Variants in RAB27A observed in about 807,000 individuals in gnomAD.
RAB27A encodes RAB27A, member RAS oncogene family, also known as ras-related protein Rab-27A.
In RAB27A, 17 loss-of-function variants were observed where a neutral mutation model predicts 20.8. The ratio of observed to expected loss-of-function variants is 0.82; its 90% CI spans 0.56 to 1.23. The LOEUF (loss-of-function observed/expected upper bound fraction) is 1.23, where lower values mean the gene tolerates loss of function less well. RAB27A is among the 50% of genes most tolerant of loss of function. The pLI is 0.00. For missense variants in RAB27A, 277 were observed against 266.7 expected (o/e 1.04, Z -0.27); for synonymous variants, 85 against 92.8 (o/e 0.92, Z 0.48).
At chr15:55,261,805 C>T (rs979715105) in intron 2 of RAB27A, among the ~76,000 whole-genome samples, 16 of 150,746 alleles carry the variant, frequency 1.1e-4, no homozygotes, top group South Asian at 2.1e-4. Flanking sequence ...TTTGGAAGGC[C>T]GAGGTGGGTG....
intron 1 of RAB27A, chr15:55,317,552 A>T (rs1197856872): frequency 2.7e-6 from 1 of 371,120 alleles, no homozygotes; most frequent in Non-Finnish European, 4.8e-6. Context: ...TGACCACCTG[A>T]TCCACCCGCC....
intron 2 of RAB27A, among the ~76,000 whole-genome samples, chr15:55,306,369 G>A (rs549454666): frequency 3.3e-5 from 5 of 152,216 alleles, no homozygotes; most frequent in East Asian, 3.8e-4. Flanking sequence ...AACCCAGTGA[G>A]GGTGGTATTA....
chr15:55,224,166 A>T (rs868399289), intron 5 of RAB27A, among the ~76,000 whole-genome samples, 154 bp from the exon 6 acceptor site: 42 of 151,758 alleles, frequency 2.8e-4, no homozygotes, highest in Non-Finnish European at 4.6e-4. Context: ...TCTTATCTGT[A>T]AAGCTGAATA....
chr15:55,207,128 T>C (rs1894690748), intron 6 of RAB27A, among the ~76,000 whole-genome samples: 1 of 152,068 alleles, frequency 6.6e-6, no homozygotes, highest in African/African-American at 2.4e-5. Flanking sequence ...GGCAAAAATA[T>C]AGAAATCTCC....
intron 2 of RAB27A, among the ~76,000 whole-genome samples, chr15:55,306,029 T>C (rs114507092): frequency 0.029 from 4,352 of 152,196 alleles, 216 homozygotes; most frequent in African/African-American, 0.099. Flanking sequence ...AGGAAGCACA[T>C]AGATTCTGAA....
At chr15:55,212,554 C>G (rs865863651) in intron 6 of RAB27A, among the ~76,000 whole-genome samples, 2 of 142,540 alleles carry the variant, frequency 1.4e-5, no homozygotes, top group African/African-American at 2.7e-5. Context: ...TTTTTTGAGA[C>G]AGTCTCACTC....
At chr15:55,261,777 T>G (rs570342552) in intron 2 of RAB27A, among the ~76,000 whole-genome samples, 17 of 142,798 alleles carry the variant, frequency 1.2e-4, no homozygotes, top group Non-Finnish European at 2.0e-4. Flanking sequence ...CAGTGGCTCA[T>G]GCCTGTAATC....
At chr15:55,306,665 T>C (rs969484647) in intron 2 of RAB27A, among the ~76,000 whole-genome samples, 1 of 152,212 alleles carries the variant, frequency 6.6e-6, no homozygotes, top group Middle Eastern at 3.2e-3. Context: ...GGCAGAGTTA[T>C]AGCAGTTGTG....
chr15:55,251,697 T>C (rs9920114), intron 2 of RAB27A, among the ~76,000 whole-genome samples: 96,712 of 152,036 alleles, frequency 0.64, 31,531 homozygotes, highest in African/African-American at 0.73. Context: ...GAAGCCACTT[T>C]ATACTAAATT....
chr15:55,302,442 C>T (rs1460669813), intron 2 of RAB27A, among the ~76,000 whole-genome samples: 5 of 152,216 alleles, frequency 3.3e-5, no homozygotes, highest in Non-Finnish European at 4.4e-5. Context: ...ACCTCCCAGC[C>T]GCCTGCCTTG....
At chr15:55,284,535 G>A (rs1898097875) in intron 1 of RAB27A, among the ~76,000 whole-genome samples, 1 of 152,202 alleles carries the variant, frequency 6.6e-6, no homozygotes, top group African/African-American at 2.4e-5. Context: ...AGAACCACAT[G>A]GGGCTTTCAA....
chr15:55,211,257 A>T (rs949473509), intron 6 of RAB27A, among the ~76,000 whole-genome samples: 1 of 152,140 alleles, frequency 6.6e-6, no homozygotes, highest in African/African-American at 2.4e-5. Flanking sequence ...GTGGTTCCAT[A>T]TAAATTTTAG....
intron 2 of RAB27A, among the ~76,000 whole-genome samples, chr15:55,311,587 A>G (rs2055020902): frequency 1.3e-5 from 2 of 152,120 alleles, no homozygotes; most frequent in African/African-American, 4.8e-5. Context: ...GTTGTCTCTT[A>G]ATGAAAAGAA....
At chr15:55,312,964 T>C (rs566739267) in intron 2 of RAB27A, among the ~76,000 whole-genome samples, 2 of 152,304 alleles carry the variant, frequency 1.3e-5, no homozygotes, top group East Asian at 3.9e-4. Flanking sequence ...TCCTACACTC[T>C]GTCATAGCCC....
intron 5 of RAB27A, among the ~76,000 whole-genome samples, chr15:55,227,012 C>T (rs867170273): frequency 3.9e-5 from 6 of 152,044 alleles, no homozygotes; most frequent in Admixed American, 2.6e-4. Context: ...TGACACTGAA[C>T]ATTACACCTT....
intron 2 of RAB27A, among the ~76,000 whole-genome samples, chr15:55,311,830 G>T (rs191301545): frequency 6.6e-6 from 1 of 152,224 alleles, no homozygotes; most frequent in East Asian, 1.9e-4. Context: ...TTCTGCCTTG[G>T]GGGGAACGTT....
At chr15:55,282,918 A>G (rs1277077450) in intron 1 of RAB27A, among the ~76,000 whole-genome samples, 1 of 127,836 alleles carries the variant, frequency 7.8e-6, no homozygotes, top group Non-Finnish European at 1.6e-5. Flanking sequence ...GAGACAATAA[A>G]TAAATAAATA....
chr15:55,299,336 G>A lies in RAB27A; in HGVS notation c.-112+14703C>T, dbSNP rs944272345. Among the ~76,000 whole-genome samples, 9 of 152,346 alleles carry A rather than the reference G, an allele frequency of 5.9e-5. No homozygotes were observed. In the East Asian group the frequency reaches 7.7e-4, roughly 13 times the overall value. On this transcript the variant is annotated intron_variant, in intron 2 of 5. Coordinates refer to the RAB27A transcript ENST00000563262. Reference sequence around the variant, plus strand: ...GGGCCGGCCACGGTGCCTCATGCCTGTAATCCCAGCACTCTGGGAGGCCAA... The same window carrying A: ...GGGCCGGCCACGGTGCCTCATGCCTATAATCCCAGCACTCTGGGAGGCCAA...
At chr15:55,210,799 G>T (rs1438133671) in intron 6 of RAB27A, among the ~76,000 whole-genome samples, 1 of 152,016 alleles carries the variant, frequency 6.6e-6, no homozygotes, top group Non-Finnish European at 1.5e-5. Flanking sequence ...TCTTGTGTTG[G>T]TTGCCTGTGT....
Sources: gnomAD v4.1 joint callset for allele counts (sites outside exome capture counted in the v4.1 genomes callset) on GRCh38, gnomAD v4.1.1 for gene constraint, MANE v1.5 for transcripts, NCBI Gene and HGNC (gene_info 2026-07-23, HGNC 2026-07-21) for gene names.